ALG14: variants seen among roughly 807,000 people sequenced by gnomAD.
ALG14 encodes the protein ALG14 UDP-N-acetylglucosaminyltransferase subunit.
Under a neutral mutation model 22.8 loss-of-function variants are expected in ALG14, and 17 were observed. The ratio of observed to expected loss-of-function variants is 0.75; its 90% confidence interval spans 0.51 to 1.12. ALG14 has a LOEUF of 1.12. ALG14 is among the 50% of genes most tolerant of loss of function. The pLI is 0.00. For synonymous variants in ALG14, 89 were observed against 103.7 expected (o/e 0.86, Z 0.86); for missense variants, 288 against 271.8 (o/e 1.06, Z -0.42).
chr1:95,055,973 C>A lies in ALG14; in HGVS notation c.288+8893G>T, dbSNP rs1391976224. On this transcript the variant is annotated intron_variant, in intron 2 of 3. Coordinates refer to ENST00000370205, the MANE Select transcript of ALG14 (RefSeq NM_144988.4). ...TGCAGTGAGCGGAGATGCACCACTG[C>A]ACTCCAGCCTGGGCTACAGAGTGAG... Among the ~76,000 whole-genome samples, 5 of 147,868 alleles carry A rather than the reference C, an allele frequency of 3.4e-5. No homozygotes were observed. The East Asian group carries it at 9.9e-4, about 29-fold the overall frequency.
At chr1:95,071,439 G>A (rs767207573) in intron 1 of ALG14, among the ~76,000 whole-genome samples, 3 of 152,142 alleles carry the variant, frequency 2.0e-5, no homozygotes, top group Non-Finnish European at 4.4e-5. Context: ...AGCTACTCGG[G>A]AGGCTGAGGC....
intron 2 of ALG14, among the ~76,000 whole-genome samples, chr1:95,045,477 T>C (rs1674516475): frequency 6.6e-6 from 1 of 152,098 alleles, no homozygotes; most frequent in Admixed American, 6.5e-5. Context: ...AAGCTAAATG[T>C]GGACAGCCAG....
intron 3 of ALG14, among the ~76,000 whole-genome samples, chr1:95,017,446 T>TC (rs761471033): frequency 1.3e-5 from 2 of 152,124 alleles, no homozygotes; most frequent in African/African-American, 2.4e-5. Context: ...TGCGGTATAA[T>TC]CTGATCGGGG....
intron 2 of ALG14, among the ~76,000 whole-genome samples, chr1:95,033,721 C>T (rs1238457889): frequency 1.3e-5 from 2 of 152,062 alleles, no homozygotes; most frequent in Non-Finnish European, 2.9e-5. Context: ...AACTTTTATA[C>T]ACATTCCATA....
chr1:95,014,855 T>TA (rs1445135088), intron 3 of ALG14, among the ~76,000 whole-genome samples: 1 of 152,146 alleles, frequency 6.6e-6, no homozygotes, highest in African/African-American at 2.4e-5. Context: ...TCTTAAGAAA[T>TA]AAAAAGTAAT....
At chr1:95,047,061 G>A (rs1485901167) in intron 2 of ALG14, among the ~76,000 whole-genome samples, 1 of 151,784 alleles carries the variant, frequency 6.6e-6, no homozygotes, top group Non-Finnish European at 1.5e-5. Context: ...AACCAACATG[G>A]AAAGTTATCA....
chr1:95,036,800 T>C (rs554611665), intron 2 of ALG14, among the ~76,000 whole-genome samples: 2 of 152,302 alleles, frequency 1.3e-5, no homozygotes, highest in East Asian at 3.9e-4. Context: ...ACTAATACAG[T>C]CCCATGATGG....
At chr1:94,994,186 C>T (rs558955540) in intron 3 of ALG14, among the ~76,000 whole-genome samples, 109 of 152,274 alleles carry the variant, frequency 7.2e-4, no homozygotes, top group African/African-American at 2.6e-3. Flanking sequence ...TTGAGGAAAC[C>T]GAATCTTTTA....
intron 3 of ALG14, among the ~76,000 whole-genome samples, chr1:94,989,445 A>C (rs1672720264): frequency 6.6e-6 from 1 of 152,210 alleles, no homozygotes; most frequent in Non-Finnish European, 1.5e-5. Context: ...TCACAGCAGA[A>C]GTGAGATACT....
intron 3 of ALG14, among the ~76,000 whole-genome samples, chr1:94,997,944 A>T (rs1281593279): frequency 6.6e-6 from 1 of 152,042 alleles, no homozygotes; most frequent in Admixed American, 6.5e-5. Flanking sequence ...CACTGAGGGT[A>T]TGGCTGGGCC....
rs573034996 is a variant in ALG14 at position 94,982,444 on chromosome 1, G to A, written c.*632C>T. The A allele has an allele frequency of 6.6e-6, 1 of 152,176 alleles. No homozygotes were observed. Among genetic ancestry groups the A allele is most frequent in the African/African-American group, 2.4e-5 (1 of 41,482 alleles). The allele number at this position is 152,176 out of a possible 1,614,324, so 9.4% of individuals were successfully genotyped here. A position where few individuals can be genotyped will look rare whatever the true frequency, so the allele number is the denominator to read the frequency against. ...CCGGCCTAAACAAGAGATTTTAAAA[G>A]ATACTCTGTATTAAGGCCAACTACT... On this transcript the variant is annotated 3_prime_UTR_variant, in exon 4 of 4. Coordinates refer to ENST00000370205, the MANE Select transcript of ALG14 (RefSeq NM_144988.4).
At chr1:94,992,597 T>C (rs145050135) in intron 3 of ALG14, among the ~76,000 whole-genome samples, 19 of 151,976 alleles carry the variant, frequency 1.3e-4, no homozygotes, top group African/African-American at 4.4e-4. Flanking sequence ...TATAGCTAAA[T>C]AGAAATGTTA....
chr1:95,054,352 C>T (rs1674859652), intron 2 of ALG14, among the ~76,000 whole-genome samples: 1 of 152,064 alleles, frequency 6.6e-6, no homozygotes, highest in Non-Finnish European at 1.5e-5. Context: ...GTAGCACTTC[C>T]CTCCACCCCT....
Position 95,066,589 on chromosome 1 carries a change from A to G in ALG14, c.137-1572T>C, listed in dbSNP as rs578102502. Among the ~76,000 whole-genome samples the G allele has an allele frequency of 1.8e-4, 28 of 152,314 alleles. No homozygotes were observed. The South Asian group carries it at 4.6e-3, about 25-fold the overall frequency. On this transcript the variant is annotated intron_variant, in intron 1 of 3. Coordinates refer to ENST00000370205, the MANE Select transcript of ALG14 (RefSeq NM_144988.4). ...AGATCCCAGAAGGAATTATATATAGAAACAAATTTGGCATAGATTTAGTGT... is the reference window on the plus strand; with the variant it reads ...AGATCCCAGAAGGAATTATATATAGGAACAAATTTGGCATAGATTTAGTGT...
chr1:95,058,029 T>C (rs775098620), intron 2 of ALG14, among the ~76,000 whole-genome samples: 18 of 151,978 alleles, frequency 1.2e-4, no homozygotes, highest in African/African-American at 3.4e-4. Context: ...GGATCACCCC[T>C]GTAATCCCAG....
rs1672424025 is a variant in ALG14 at position 94,977,756 on chromosome 1, C to G, written c.*5320G>C. On this transcript the variant is annotated 3_prime_UTR_variant, in exon 4 of 4. Coordinates refer to ENST00000370205, the MANE Select transcript of ALG14 (RefSeq NM_144988.4). ...CTCCACCTCCCAGGCTCAAGTGATC[C>G]TACCACCTCAGCCTCCCAAGTAGCT... 1 of 151,604 alleles carries G rather than the reference C, an allele frequency of 6.6e-6. No homozygotes were observed. Among genetic ancestry groups the G allele is most frequent in the Non-Finnish European group, 1.5e-5 (1 of 67,948 alleles). The allele number at this position is 151,604 out of a possible 1,614,324, so 9.4% of individuals were successfully genotyped here. A position where few individuals can be genotyped will look rare whatever the true frequency, so the allele number is the denominator to read the frequency against.
intron 2 of ALG14, among the ~76,000 whole-genome samples, chr1:95,042,050 T>A (rs1161298934): frequency 6.6e-6 from 1 of 152,148 alleles, no homozygotes; most frequent in Non-Finnish European, 1.5e-5. Flanking sequence ...TATAAAAAAA[T>A]AAATATTTCA....
At chr1:95,003,505 G>A (rs1028571876) in intron 3 of ALG14, among the ~76,000 whole-genome samples, 19 of 150,032 alleles carry the variant, frequency 1.3e-4, no homozygotes, top group Non-Finnish European at 2.2e-4. Context: ...GCTGGAGTAC[G>A]GTGGCACCAT....
chr1:95,057,085 C>A lies in ALG14; in HGVS notation c.288+7781G>T, dbSNP rs572022851. Among the ~76,000 whole-genome samples, 28 of 149,508 alleles carry A rather than the reference C, an allele frequency of 1.9e-4. No homozygotes were observed. The South Asian group carries it at 4.7e-3, about 25-fold the overall frequency. On this transcript the variant is annotated intron_variant, in intron 2 of 3. Transcript: ENST00000370205. Reference sequence around the variant, plus strand: ...AAAAAAAAAAAAAAATCTAAAACTTCTCTTCATATAAAACAGTGAAAGGAT... The same window carrying A: ...AAAAAAAAAAAAAAATCTAAAACTTATCTTCATATAAAACAGTGAAAGGAT...
Sources: allele counts gnomAD v4.1 joint callset (sites outside exome capture counted in the v4.1 genomes callset), GRCh38; gene constraint gnomAD v4.1.1; transcripts MANE v1.5; gene names NCBI Gene and HGNC (gene_info 2026-07-23, HGNC 2026-07-21).